TOLLIP: variants seen among roughly 807,000 people sequenced by gnomAD.
TOLLIP encodes the protein toll-interacting protein.
TOLLIP carries 16 observed loss-of-function variants against 33.5 expected under a neutral mutation model. The ratio of observed to expected loss-of-function variants is 0.48; its 90% CI spans 0.32 to 0.72. The LOEUF (loss-of-function observed/expected upper bound fraction) is 0.72. Among genes scored for constraint, TOLLIP ranks in the 30% least tolerant of loss-of-function variants. The pLI is 0.03. For missense variants in TOLLIP, 325 were observed against 396.6 expected (o/e 0.82, Z 1.53); for synonymous variants, 176 against 163.7 (o/e 1.07, Z -0.57).
rs752568534 is a variant in TOLLIP, at chr11:1,295,797, GC to G, written c.34-4del. 2.6e-6 allele frequency: 4 copies of G among 1,552,786 alleles called. No homozygotes were observed. In the South Asian group the frequency reaches 4.7e-5, roughly 18 times the overall value. On this transcript the variant is annotated splice_polypyrimidine_tract_variant and splice_region_variant and intron_variant, in intron 1 of 5. Coordinates refer to ENST00000317204, the MANE Select transcript of TOLLIP (RefSeq NM_019009.4). ...TGCGGGAGCTCACCGATGTACACCT[GC>G]GGGGCCGGGGACCAGAGAGGCCAGT...
At chr11:1,296,518 C>T (rs539995638) in intron 1 of TOLLIP, among the ~76,000 whole-genome samples, 1 of 152,334 alleles carries the variant, frequency 6.6e-6, no homozygotes, top group African/African-American at 2.4e-5. Flanking sequence ...GCTGATGAGG[C>T]CCTGAGCATG....
rs899368261 is a variant in TOLLIP, at chr11:1,290,577, A to G, written c.184-168T>C. On this transcript the variant is annotated intron_variant, in intron 2 of 5. Transcript: ENST00000317204. The surrounding 1 kb of genome is among the most constrained non-coding windows in gnomAD (Gnocchi z 4.9). ...GCTGTGACCTGCTTCCCAGGAGGCC[A>G]GGAGCAAGAAGAGTGAGCCACAGAT... Among the ~76,000 whole-genome samples the G allele has an allele frequency of 6.6e-5, 10 of 152,200 alleles. No homozygotes were observed. Among genetic ancestry groups the G allele is most frequent in the Admixed American group, 5.2e-4 (8 of 15,282 alleles).
In TOLLIP at chr11:1,275,324, C is replaced by T. The variant is rs544216435; in HGVS notation, c.*1715G>A. Reference sequence around the variant, plus strand: ...ACCTGGGCGCCTGGACACCGAAGCCCCCAGCACAGTGAGGCCTCTGAGTGT... The same window carrying T: ...ACCTGGGCGCCTGGACACCGAAGCCTCCAGCACAGTGAGGCCTCTGAGTGT... On this transcript the variant is annotated 3_prime_UTR_variant, in exon 6 of 6. Transcript: ENST00000317204. 4 of 152,276 alleles carry T rather than the reference C, an allele frequency of 2.6e-5. No individual in the cohort carries two copies. The highest frequency in any genetic ancestry group is 4.8e-5 in the African/African-American group (2 of 41,470). The allele number at this position is 152,276 out of a possible 1,614,324, so 9.4% of individuals were successfully genotyped here. A position where few individuals can be genotyped will look rare whatever the true frequency, so the allele number is the denominator to read the frequency against.
At chr11:1,308,259 T>TC (rs1229465715) in intron 1 of TOLLIP, among the ~76,000 whole-genome samples, 1 of 152,132 alleles carries the variant, frequency 6.6e-6, no homozygotes, top group Non-Finnish European at 1.5e-5. Flanking sequence ...CTTGGTGCTG[T>TC]CCCGGTGATA....
intron 1 of TOLLIP, chr11:1,302,650 T>G: frequency 1.0e-6 from 1 of 986,680 alleles, no homozygotes; most frequent in Non-Finnish European, 1.2e-6. Context: ...CTCCTGACAC[T>G]CCCCAAAACC....
chr11:1,299,988 C>T (rs1414784431), intron 1 of TOLLIP, among the ~76,000 whole-genome samples: 1 of 152,210 alleles, frequency 6.6e-6, no homozygotes, highest in Non-Finnish European at 1.5e-5. Flanking sequence ...TCTGTCGACA[C>T]CAACTCTGGA....
At chr11:1,279,516 C>T (rs567246050) in intron 5 of TOLLIP, among the ~76,000 whole-genome samples, 90 of 152,290 alleles carry the variant, frequency 5.9e-4, no homozygotes, top group Non-Finnish European at 1.0e-3. Flanking sequence ...GCAGAGAGGA[C>T]GCCATGGGAG....
At chr11:1,285,015 C>T (rs1023445567) in intron 5 of TOLLIP, among the ~76,000 whole-genome samples, 2 of 152,190 alleles carry the variant, frequency 1.3e-5, no homozygotes, top group African/African-American at 4.8e-5. Context: ...CTCTCCACTC[C>T]AGCTGGGCTG....
In TOLLIP at chr11:1,303,707, G is replaced by A. The variant is rs115040064; in HGVS notation, c.33+5759C>T. Among the ~76,000 whole-genome samples the A allele has an allele frequency of 3.1e-3, 472 of 152,290 alleles. 1 individual carries two copies. The highest frequency in any genetic ancestry group is 0.01 in the African/African-American group (416 of 41,568). Reference sequence around the variant, plus strand: ...CAGCAGGCCTAACCAGGGGCCTGTCGGGCAGGTCAAGGGACAGTGTTAGAG... The same window carrying A: ...CAGCAGGCCTAACCAGGGGCCTGTCAGGCAGGTCAAGGGACAGTGTTAGAG... On this transcript the variant is annotated intron_variant, in intron 1 of 5. Coordinates refer to ENST00000317204, the MANE Select transcript of TOLLIP (RefSeq NM_019009.4). The surrounding 1 kb of genome is among the most constrained non-coding windows in gnomAD (Gnocchi z 4.2).
At chr11:1,296,165 C>A (rs573488918) in intron 1 of TOLLIP, among the ~76,000 whole-genome samples, 2 of 152,264 alleles carry the variant, frequency 1.3e-5, no homozygotes, top group East Asian at 3.8e-4. Context: ...GGCAGGGCCA[C>A]TGAACTGCAG....
intron 1 of TOLLIP, among the ~76,000 whole-genome samples, chr11:1,299,708 G>C (rs1864209340): frequency 6.6e-6 from 1 of 152,196 alleles, no homozygotes; most frequent in African/African-American, 2.4e-5. Context: ...ACACTAACAA[G>C]TCTAAATGCC....
chr11:1,288,935 C>A (rs1477070952), intron 3 of TOLLIP, among the ~76,000 whole-genome samples, 159 bp from the exon 4 acceptor site: 4 of 152,264 alleles, frequency 2.6e-5, no homozygotes, highest in South Asian at 2.1e-4. Context: ...TCGGGCAGCG[C>A]AGGCTTCACG....
chr11:1,295,808 G>A lies in TOLLIP; in HGVS notation c.34-14C>T. On this transcript the variant is annotated splice_polypyrimidine_tract_variant and intron_variant, in intron 1 of 5. Transcript: ENST00000317204. ...ACCGATGTACACCTGCGGGGCCGGG[G>A]ACCAGAGAGGCCAGTGAGTCAGGGT... 6.5e-7 allele frequency: 1 copy of A among 1,541,014 alleles called. No individual in the cohort carries two copies.
At position 1,283,098 on chromosome 11, in the gene TOLLIP, C is replaced by T. The variant is rs188908264; in HGVS notation, c.610+2904G>A. On this transcript the variant is annotated intron_variant, in intron 5 of 5. Transcript: ENST00000317204. ...TCCCGGGGAACAGCCAGGCAGAGCC[C>T]GCCGTGAGGGACGAGCAAGTCACAC... 7.5e-4 allele frequency among the ~76,000 whole-genome samples: 114 copies of T among 152,336 alleles called. No homozygotes were observed. In the South Asian group the frequency reaches 7.9e-3, roughly 11 times the overall value.
chr11:1,298,606 G>A (rs1052211680), intron 1 of TOLLIP: 1 of 152,282 alleles, frequency 6.6e-6, no homozygotes, highest in African/African-American at 2.4e-5. Context: ...TAATGATCAA[G>A]TGTCATTTTT....
At chr11:1,299,149 T>G (rs1864195266) in intron 1 of TOLLIP, among the ~76,000 whole-genome samples, 2 of 152,194 alleles carry the variant, frequency 1.3e-5, no homozygotes, top group Admixed American at 1.3e-4. Context: ...CGTGCCAGCT[T>G]TTCAATTCGT....
At chr11:1,293,586 T>C (rs1864020190) in intron 2 of TOLLIP, among the ~76,000 whole-genome samples, 1 of 152,234 alleles carries the variant, frequency 6.6e-6, no homozygotes. Flanking sequence ...GCAGGAATGT[T>C]TCCCACCACT....
chr11:1,285,313 G>A (rs1205003716), intron 5 of TOLLIP, among the ~76,000 whole-genome samples: 1 of 152,238 alleles, frequency 6.6e-6, no homozygotes, highest in Non-Finnish European at 1.5e-5. Flanking sequence ...GAACCAGGGT[G>A]ACCACAGGCT....
rs374198955 is a variant in TOLLIP, at chr11:1,302,626, C to T, written c.34-6832G>A. On this transcript the variant is annotated intron_variant, in intron 1 of 5. Coordinates refer to ENST00000317204, the MANE Select transcript of TOLLIP (RefSeq NM_019009.4). ...GGCACTCCAGCCAGCCTCGGCCTCACGCTCCACACCAGCCTCCTGACACTC... is the reference window on the plus strand; with the variant it reads ...GGCACTCCAGCCAGCCTCGGCCTCATGCTCCACACCAGCCTCCTGACACTC... The T allele has an allele frequency of 3.2e-5, 32 of 987,344 alleles. No individual in the cohort carries two copies. The South Asian group carries it at 9.8e-4, about 30-fold the overall frequency. 61.2% of individuals were successfully genotyped at this position (987,344 alleles called of 1,614,324 possible).
Sources: allele counts gnomAD v4.1 joint callset (sites outside exome capture counted in the v4.1 genomes callset), GRCh38; gene constraint gnomAD v4.1.1; non-coding constraint Gnocchi (gnomAD v3.1); transcripts MANE v1.5; gene names NCBI Gene and HGNC (gene_info 2026-07-23, HGNC 2026-07-21).